The following CCDC93 variants were observed in gnomAD, a reference collection of about 807,000 sequenced individuals.
The protein encoded by CCDC93 is coiled-coil domain-containing protein 93.
In CCDC93, 61 loss-of-function variants were observed where a neutral mutation model predicts 108.2. The ratio of observed to expected loss-of-function variants is 0.56; its 90% CI spans 0.46 to 0.70. The LOEUF is 0.70. CCDC93 is among the 30% of genes least tolerant of loss of function. CCDC93 has a pLI of 0.00. For synonymous variants in CCDC93, 276 were observed against 260.4 expected, an observed-to-expected ratio of 1.06 and a Z score of -0.58; for missense variants, 685 against 764.2, an observed-to-expected ratio of 0.90 and a Z score of 1.22.
At chr2:117,948,708 C>T (rs12711891) in intron 14 of CCDC93, among the ~76,000 whole-genome samples, 64,213 of 152,050 alleles carry the variant, frequency 0.42, 14,273 homozygotes, top group Middle Eastern at 0.53. Context: ...ATCAAACAAG[C>T]ACTGCTCATT....
At chr2:117,944,161 A>G (rs377633119) in intron 17 of CCDC93, 75 bp from the exon 18 acceptor site, 2 of 1,062,532 alleles carry the variant, frequency 1.9e-6, no homozygotes, top group Non-Finnish European at 2.8e-6. Context: ...TGAAAGTTGA[A>G]TATGTTTTTA....
chr2:117,923,473 G>A (rs566313274), intron 23 of CCDC93, among the ~76,000 whole-genome samples: 49 of 152,250 alleles, frequency 3.2e-4, no homozygotes, highest in Admixed American at 8.5e-4. Flanking sequence ...ATTATATCCC[G>A]CGCCTGCCTC....
At chr2:118,012,268 T>A (rs1051413801) in intron 1 of CCDC93, among the ~76,000 whole-genome samples, 8 of 114,690 alleles carry the variant, frequency 7.0e-5, no homozygotes, top group Admixed American at 4.8e-4. Flanking sequence ...AGTGAGACTC[T>A]GTCTCAAAAA....
Position 117,995,441 on chromosome 2 carries a change from C to G in CCDC93, c.519+5G>C. On this transcript the variant is annotated splice_donor_5th_base_variant and intron_variant, in intron 6 of 23. Coordinates refer to ENST00000376300, the MANE Select transcript of CCDC93 (RefSeq NM_019044.5). Reference sequence around the variant, plus strand: ...CTGACAGAAGAATACGGCCAGGGGACTTACTGAGAGGTCCACAACTGTCTT... The same window carrying G: ...CTGACAGAAGAATACGGCCAGGGGAGTTACTGAGAGGTCCACAACTGTCTT... 6.2e-7 allele frequency: 1 copy of G among 1,609,710 alleles called. No homozygotes were observed. Among genetic ancestry groups the G allele is most frequent in the Non-Finnish European group, 8.5e-7 (1 of 1,175,950 alleles).
At chr2:117,927,725 C>T (rs893981361) in intron 23 of CCDC93, among the ~76,000 whole-genome samples, 6 of 152,258 alleles carry the variant, frequency 3.9e-5, no homozygotes, top group South Asian at 2.1e-4. Context: ...CATCAAGCTA[C>T]CAATGACTTT....
chr2:117,930,374 T>A (rs1340066349), intron 23 of CCDC93, among the ~76,000 whole-genome samples: 1 of 151,962 alleles, frequency 6.6e-6, no homozygotes, highest in Non-Finnish European at 1.5e-5. Flanking sequence ...TTTTGGAAAA[T>A]CTCTTAAGGG....
Position 118,001,188 on chromosome 2 carries a change from T to C in CCDC93, c.252-256A>G, listed in dbSNP as rs1160297453. ...TCTTCCTACTTTTTTGGATGTAAAA[T>C]ATTTTGTGAAATGATGGTAACATTA... On this transcript the variant is annotated intron_variant, in intron 3 of 23. Transcript: ENST00000376300. 9 of 348,796 alleles carry C rather than the reference T, an allele frequency of 2.6e-5. No individual in the cohort carries two copies. In the East Asian group the frequency reaches 4.5e-4, roughly 17 times the overall value. 21.6% of individuals were successfully genotyped at this position (348,796 alleles called of 1,614,324 possible). A position where few individuals can be genotyped will look rare whatever the true frequency, so the allele number is the denominator to read the frequency against.
At chr2:118,001,038 C>G in intron 3 of CCDC93, 106 bp from the exon 4 acceptor site, 1 of 672,768 alleles carries the variant, frequency 1.5e-6, no homozygotes, top group South Asian at 1.7e-5. Context: ...TTCTCCATGC[C>G]AGGCTAGTCC....
At chr2:117,927,342 A>T (rs532742348) in intron 23 of CCDC93, among the ~76,000 whole-genome samples, 85 of 152,302 alleles carry the variant, frequency 5.6e-4, no homozygotes, top group African/African-American at 2.0e-3. Context: ...CCCTGTTTGG[A>T]GATGACATGA....
At chr2:117,943,622 A>G (rs1397627648) in intron 18 of CCDC93, among the ~76,000 whole-genome samples, 1 of 152,226 alleles carries the variant, frequency 6.6e-6, no homozygotes, top group African/African-American at 2.4e-5. Flanking sequence ...CCAGCAATGT[A>G]GGGGATTTTA....
rs972933096 is a variant in CCDC93 at position 117,915,965 on chromosome 2, C to G, written c.*4378G>C. ...TGGCCATAATGTATTTAACCATTCC[C>G]CTGTATTGGTGGCACTCTCCAACTT... On this transcript the variant is annotated 3_prime_UTR_variant, in exon 24 of 24. Coordinates refer to ENST00000376300, the MANE Select transcript of CCDC93 (RefSeq NM_019044.5). 3.3e-5 allele frequency: 5 copies of G among 152,188 alleles called. No homozygotes were observed. The highest frequency in any genetic ancestry group is 7.3e-5 in the Non-Finnish European group (5 of 68,048). 9.4% of individuals were successfully genotyped at this position (152,188 alleles called of 1,614,324 possible).
chr2:117,984,955 C>G (rs901702038), intron 7 of CCDC93, among the ~76,000 whole-genome samples: 1 of 152,130 alleles, frequency 6.6e-6, no homozygotes, highest in African/African-American at 2.4e-5. Context: ...TTAATAACTG[C>G]TAACAAGTTA....
In CCDC93 at chr2:117,922,919, C is replaced by CA. The variant is rs747244966; in HGVS notation, c.1843-2524dup. Among the ~76,000 whole-genome samples, 3 of 151,808 alleles carry CA rather than the reference C, an allele frequency of 2.0e-5. No homozygotes were observed. In the East Asian group the frequency reaches 5.8e-4, roughly 29 times the overall value. On this transcript the variant is annotated intron_variant, in intron 23 of 23. Coordinates refer to ENST00000376300, the MANE Select transcript of CCDC93 (RefSeq NM_019044.5). Reference sequence around the variant, plus strand: ...TCCTCCTCAACACCTGTGGTGGCCCCAAATTACCTCAAAAGAGCTTGTGGG... The same window carrying CA: ...TCCTCCTCAACACCTGTGGTGGCCCCAAAATTACCTCAAAAGAGCTTGTGGG...
At chr2:117,939,576 G>A (rs142429368) in intron 19 of CCDC93, among the ~76,000 whole-genome samples, 1 of 152,290 alleles carries the variant, frequency 6.6e-6, no homozygotes, top group East Asian at 1.9e-4. Flanking sequence ...TTTGAAACAA[G>A]CAGGAATAGA....
intron 1 of CCDC93, among the ~76,000 whole-genome samples, chr2:118,013,711 C>T (rs532097391): frequency 9.2e-5 from 14 of 152,304 alleles, no homozygotes; most frequent in African/African-American, 3.4e-4. Context: ...GGAAGGCCAC[C>T]TGCGCCCCAA....
chr2:117,963,178 A>G (rs1679448907), intron 11 of CCDC93, among the ~76,000 whole-genome samples: 1 of 152,210 alleles, frequency 6.6e-6, no homozygotes, highest in Admixed American at 6.5e-5. Flanking sequence ...AAGAAGTCAA[A>G]CTACCATAAA....
intron 22 of CCDC93, among the ~76,000 whole-genome samples, chr2:117,932,866 T>TG: frequency 6.6e-6 from 1 of 152,340 alleles, no homozygotes; most frequent in South Asian, 2.1e-4. Flanking sequence ...GGCTAGGACC[T>TG]CACAGCTAGG....
intron 3 of CCDC93, among the ~76,000 whole-genome samples, chr2:118,006,380 C>T (rs1332357262): frequency 6.6e-6 from 1 of 152,288 alleles, no homozygotes; most frequent in African/African-American, 2.4e-5. Flanking sequence ...AGATCTCTAG[C>T]AAGGAGACCA....
At chr2:117,975,033 G>T in intron 9 of CCDC93, 133 bp from the exon 10 acceptor site, 2 of 1,043,252 alleles carry the variant, frequency 1.9e-6, no homozygotes, top group South Asian at 1.4e-5. Context: ...AGCCTCAAAG[G>T]CAGGTGATAA....
Sources: allele counts gnomAD v4.1 joint callset (sites outside exome capture counted in the v4.1 genomes callset), GRCh38; gene constraint gnomAD v4.1.1; transcripts MANE v1.5; gene names NCBI Gene and HGNC (gene_info 2026-07-23, HGNC 2026-07-21).